NDFIP1: variants seen among roughly 807,000 people sequenced by gnomAD.
NDFIP1 encodes the protein NEDD4 family-interacting protein 1.
NDFIP1 carries 7 observed loss-of-function variants against 28.8 expected under a neutral mutation model. The observed-to-expected ratio is 0.24, with a 90% confidence interval of 0.14 to 0.46. NDFIP1 has a LOEUF of 0.46. Ranked by LOEUF, NDFIP1 falls within the 20% of genes least tolerant of loss-of-function variation. The probability of loss-of-function intolerance (pLI) is 0.99; values close to 1 mark genes in which losing one functional copy is unlikely to be tolerated. For synonymous variants in NDFIP1, 92 were observed against 101.0 expected, an observed-to-expected ratio of 0.91 and a Z score of 0.53; for missense variants, 194 against 269.1, an observed-to-expected ratio of 0.72 and a Z score of 1.95.
chr5:142,147,433 C>T (rs545617723), intron 7 of NDFIP1, among the ~76,000 whole-genome samples: 8 of 152,250 alleles, frequency 5.3e-5, no homozygotes, highest in African/African-American at 1.4e-4. Flanking sequence ...TTTTTTTCCT[C>T]CCTATCGATT....
intron 1 of NDFIP1, among the ~76,000 whole-genome samples, chr5:142,128,404 A>G (rs926923591): frequency 1.3e-5 from 2 of 152,212 alleles, no homozygotes; most frequent in South Asian, 2.1e-4. Flanking sequence ...CAAGTAATCA[A>G]TTTTATAGCA....
At chr5:142,113,091 A>G (rs1326891063) in intron 1 of NDFIP1, among the ~76,000 whole-genome samples, 1 of 152,176 alleles carries the variant, frequency 6.6e-6, no homozygotes, top group Non-Finnish European at 1.5e-5. Context: ...GGTGATGATG[A>G]CACTGCCATG....
intron 7 of NDFIP1, among the ~76,000 whole-genome samples, chr5:142,150,474 A>G (rs1452139606): frequency 1.3e-5 from 2 of 152,068 alleles, no homozygotes; most frequent in Non-Finnish European, 2.9e-5. Context: ...AATGTTGATA[A>G]TATTAAAATA....
At chr5:142,137,098 G>A (rs1481419945) in intron 4 of NDFIP1, among the ~76,000 whole-genome samples, 1 of 149,784 alleles carries the variant, frequency 6.7e-6, no homozygotes, top group Non-Finnish European at 1.5e-5. Flanking sequence ...AAAAAGCAGA[G>A]GTTGTAAGTA....
intron 7 of NDFIP1, among the ~76,000 whole-genome samples, chr5:142,147,006 C>T (rs939975309): frequency 1.3e-5 from 2 of 152,146 alleles, no homozygotes; most frequent in African/African-American, 2.4e-5. Context: ...GTTGAGCCTG[C>T]TGGTGCTTCA....
intron 1 of NDFIP1, among the ~76,000 whole-genome samples, chr5:142,117,395 T>C (rs1198469505): frequency 1.3e-5 from 2 of 151,654 alleles, no homozygotes; most frequent in East Asian, 3.9e-4. Flanking sequence ...AGGCGCCCGC[T>C]ATCACGCCCA....
At position 142,125,039 on chromosome 5, in the gene NDFIP1, G is replaced by A. The variant is rs191810242; in HGVS notation, c.64-6769G>A. On this transcript the variant is annotated intron_variant, in intron 1 of 7. Coordinates refer to ENST00000253814, the MANE Select transcript of NDFIP1 (RefSeq NM_030571.4). The stretch of plus-strand genomic sequence containing the variant: ...GATGGGGTTTCACCTTGTTAGCCAG[G>A]ATGGTCTCGATCTCCTAACCTCGTG... Among the ~76,000 whole-genome samples, 41 of 152,222 alleles carry A rather than the reference G, an allele frequency of 2.7e-4. No individual in the cohort carries two copies. In the East Asian group the frequency reaches 4.6e-3, roughly 17 times the overall value.
chr5:142,119,412 A>G (rs767400510), intron 1 of NDFIP1, among the ~76,000 whole-genome samples: 20 of 152,250 alleles, frequency 1.3e-4, no homozygotes, highest in South Asian at 2.1e-4. Context: ...CTTATTTCCA[A>G]ATGTTACTTA....
At chr5:142,148,830 C>T (rs1328404010) in intron 7 of NDFIP1, among the ~76,000 whole-genome samples, 1 of 149,546 alleles carries the variant, frequency 6.7e-6, no homozygotes, top group Non-Finnish European at 1.5e-5. Flanking sequence ...ACATCTGTAC[C>T]TGAAATGGTA....
At chr5:142,125,756 C>T (rs1757164126) in intron 1 of NDFIP1, among the ~76,000 whole-genome samples, 1 of 152,186 alleles carries the variant, frequency 6.6e-6, no homozygotes, top group Non-Finnish European at 1.5e-5. Context: ...CCCGTTTCTC[C>T]ACATACTCAG....
chr5:142,149,098 C>T (rs527435554), intron 7 of NDFIP1, among the ~76,000 whole-genome samples: 3 of 152,144 alleles, frequency 2.0e-5, no homozygotes, highest in African/African-American at 4.8e-5. Flanking sequence ...TTTTTGAGCC[C>T]TAGCATTAAT....
At chr5:142,109,330 A>G (rs1756987362) in intron 1 of NDFIP1, among the ~76,000 whole-genome samples, 1 of 152,220 alleles carries the variant, frequency 6.6e-6, no homozygotes, top group South Asian at 2.1e-4. Context: ...CGCGACCCAC[A>G]GGCGGCATCG....
chr5:142,152,542 CA>C lies in NDFIP1; in HGVS notation c.*817del, dbSNP rs202170221. The C allele has an allele frequency of 0.021, 2,855 of 137,810 alleles. 37 individuals are homozygous for C. Among genetic ancestry groups the C allele is most frequent in the Non-Finnish European group, 0.032 (2,089 of 64,606 alleles). 8.5% of individuals were successfully genotyped at this position (137,810 alleles called of 1,614,324 possible). ...TCCTTTTGTCTCCTGGTGATTAGGC[CA>C]AAGTCTGGGAGTAAGGAGAGGATTA... On this transcript the variant is annotated 3_prime_UTR_variant, in exon 8 of 8. Coordinates refer to ENST00000253814, the MANE Select transcript of NDFIP1 (RefSeq NM_030571.4).
intron 1 of NDFIP1, among the ~76,000 whole-genome samples, chr5:142,119,042 C>G (rs1757096974): frequency 6.6e-6 from 1 of 152,190 alleles, no homozygotes; most frequent in Non-Finnish European, 1.5e-5. Flanking sequence ...GCCTTCTAAG[C>G]TGACAGAGCA....
intron 1 of NDFIP1, among the ~76,000 whole-genome samples, chr5:142,113,662 CTT>C (rs1757037550): frequency 1.3e-5 from 2 of 152,310 alleles, no homozygotes; most frequent in East Asian, 3.9e-4. Flanking sequence ...ATCTCCAGAA[CTT>C]TGTCACCTTG....
chr5:142,114,713 G>T (rs1395721013), intron 1 of NDFIP1, among the ~76,000 whole-genome samples: 1 of 152,192 alleles, frequency 6.6e-6, no homozygotes, highest in Non-Finnish European at 1.5e-5. Context: ...GAGCTCTCTT[G>T]TAATCTGTGA....
In NDFIP1 at chr5:142,140,448, CAAAAAAA is replaced by C. The variant is rs71576132; in HGVS notation, c.496-104_496-98del. 7.7e-6 allele frequency: 4 copies of C among 518,406 alleles called. No individual in the cohort carries two copies. The African/African-American group carries it at 9.1e-5, about 12-fold the overall frequency. 32.1% of individuals were successfully genotyped at this position (518,406 alleles called of 1,614,324 possible). A position where few individuals can be genotyped will look rare whatever the true frequency, so the allele number is the denominator to read the frequency against. On this transcript the variant is annotated intron_variant, in intron 5 of 7. Coordinates refer to ENST00000253814, the MANE Select transcript of NDFIP1 (RefSeq NM_030571.4). Reference sequence around the variant, plus strand: ...GGGCAACAAGAGCGAAACTCCGTCTCAAAAAAAAAAAAAAAAAGAATAAGTCTTGCAT... The same window carrying C: ...GGGCAACAAGAGCGAAACTCCGTCTCAAAAAAAAAAGAATAAGTCTTGCAT...
intron 1 of NDFIP1, among the ~76,000 whole-genome samples, chr5:142,117,069 ATTT>A: frequency 6.6e-6 from 1 of 151,896 alleles, no homozygotes; most frequent in African/African-American, 2.4e-5. Context: ...ATCTTTGACC[ATTT>A]TTCTGTTTTT....
rs1273491793 is a variant in NDFIP1, at chr5:142,153,082, A to T, written c.*1354A>T. ...TTTTAGACATAATTTTAGATAATTTATTTCCAGTGTTTTCTGCATGTTCTC... is the reference window on the plus strand; with the variant it reads ...TTTTAGACATAATTTTAGATAATTTTTTTCCAGTGTTTTCTGCATGTTCTC... On this transcript the variant is annotated 3_prime_UTR_variant, in exon 8 of 8. Transcript: ENST00000253814. 3.0e-6 allele frequency: 1 copy of T among 338,516 alleles called. No individual in the cohort carries two copies. The highest frequency in any genetic ancestry group is 7.6e-5 in the East Asian group (1 of 13,242). The allele number at this position is 338,516 out of a possible 1,614,324, so 21.0% of individuals were successfully genotyped here. A position where few individuals can be genotyped will look rare whatever the true frequency, so the allele number is the denominator to read the frequency against.
Sources: gnomAD v4.1 joint callset for allele counts (sites outside exome capture counted in the v4.1 genomes callset) on GRCh38, gnomAD v4.1.1 for gene constraint, MANE v1.5 for transcripts, NCBI Gene and HGNC (gene_info 2026-07-23, HGNC 2026-07-21) for gene names.